RDX: variants seen among roughly 807,000 people sequenced by gnomAD.
RDX encodes the protein deafness, autosomal recessive 24.
Under a neutral mutation model 83.7 loss-of-function variants are expected in RDX, and 32 were observed. The observed-to-expected ratio is 0.38, with a 90% CI of 0.29 to 0.51. The LOEUF is 0.51. Among genes scored for constraint, RDX ranks in the 20% least tolerant of loss-of-function variants. The pLI is 0.87. For missense variants in RDX, 600 were observed against 689.9 expected (o/e 0.87, Z 1.46); for synonymous variants, 229 against 222.7 (o/e 1.03, Z -0.25).
At chr11:110,295,874 G>C (rs541327397) in intron 1 of RDX, among the ~76,000 whole-genome samples, 12 of 152,152 alleles carry the variant, frequency 7.9e-5, no homozygotes, top group African/African-American at 2.9e-4. Context: ...TGGCGGGTGC[G>C]AGCGGCGGGA....
chr11:110,258,391 G>C (rs919084361), intron 5 of RDX, among the ~76,000 whole-genome samples: 13 of 152,148 alleles, frequency 8.5e-5, no homozygotes, highest in African/African-American at 3.1e-4. Context: ...AAGGTGGCTA[G>C]ATTGTACCAA....
chr11:110,186,818 C>T (rs1862997913), intron 15 of RDX, among the ~76,000 whole-genome samples: 1 of 152,188 alleles, frequency 6.6e-6, no homozygotes, highest in Non-Finnish European at 1.5e-5. Context: ...GAGAAGGATG[C>T]CACTTTTAAT....
intron 2 of RDX, among the ~76,000 whole-genome samples, chr11:110,276,052 T>C (rs1023068177): frequency 8.6e-5 from 13 of 152,042 alleles, no homozygotes; most frequent in African/African-American, 3.1e-4. Flanking sequence ...TCCCAAAGTG[T>C]TGAGATTACA....
rs200732024 is a variant in RDX at position 110,295,308 on chromosome 11, TAAA to T, written c.-65+1156_-65+1158del. On this transcript the variant is annotated intron_variant, in intron 1 of 13. Coordinates refer to ENST00000645495, the MANE Select transcript of RDX (RefSeq NM_002906.4). Reference sequence around the variant, plus strand: ...TCATATAAAAGAGTATTTAGTGTTCTAAAAAAAAAAAAAAAAAAAGAAGTATGC... The same window carrying T: ...TCATATAAAAGAGTATTTAGTGTTCTAAAAAAAAAAAAAAAAGAAGTATGC... Among the ~76,000 whole-genome samples the T allele has an allele frequency of 5.9e-3, 757 of 127,328 alleles. 9 individuals are homozygous for T. Among genetic ancestry groups the T allele is most frequent in the African/African-American group, 0.021 (729 of 33,922 alleles). 83.5% of individuals were successfully genotyped at this position (127,328 alleles called of 152,430 possible).
chr11:110,247,774 A>T lies in RDX; in HGVS notation c.1019T>A (p.Ile340Lys), dbSNP rs1269884778. ...REIAEKEKER[I>K]EREKEELMER... ...CATTAGCTCTTCCTTTTCACGTTCT[A>T]TTCTTTCCTTTTCCTTTTCTGCTAT... Residue 340 changes from isoleucine to lysine, a missense_variant, in exon 10 of 14, where the codon ATA becomes AAA. Coordinates refer to ENST00000645495, the MANE Select transcript of RDX (RefSeq NM_002906.4). 2.5e-6 allele frequency: 4 copies of T among 1,607,206 alleles called. No homozygotes were observed. Among genetic ancestry groups the T allele is most frequent in the Non-Finnish European group, 3.4e-6 (4 of 1,176,718 alleles).
At chr11:110,185,253 C>T (rs1862964255) in intron 15 of RDX, 1 of 152,166 alleles carries the variant, frequency 6.6e-6, no homozygotes, top group South Asian at 2.1e-4. Context: ...ATTTGTTTCT[C>T]CCCAAGGCCG....
chr11:110,186,747 G>A (rs535474919), intron 15 of RDX, among the ~76,000 whole-genome samples: 20 of 152,252 alleles, frequency 1.3e-4, no homozygotes, highest in East Asian at 9.7e-4. Context: ...GCCCTGGAGC[G>A]GACTTATGAA....
At chr11:110,280,614 T>C (rs951182434) in intron 1 of RDX, among the ~76,000 whole-genome samples, 4 of 152,234 alleles carry the variant, frequency 2.6e-5, no homozygotes, top group South Asian at 2.1e-4. Flanking sequence ...ATTCACCCAA[T>C]GTGTATGAAA....
chr11:110,280,215 A>C (rs1307726640), intron 1 of RDX, among the ~76,000 whole-genome samples: 2 of 152,196 alleles, frequency 1.3e-5, no homozygotes, highest in South Asian at 2.1e-4. Context: ...TGATTAATGT[A>C]ATCTACAAAA....
intron 3 of RDX, among the ~76,000 whole-genome samples, chr11:110,267,197 C>A (rs1479255798): frequency 6.6e-6 from 1 of 152,174 alleles, no homozygotes; most frequent in Non-Finnish European, 1.5e-5. Context: ...AGCCATCGTG[C>A]CCAGCCTGTT....
chr11:110,230,818 T>A lies in RDX; in HGVS notation c.*1051A>T, dbSNP rs1438080531. The A allele has an allele frequency of 6.6e-6, 1 of 152,610 alleles. No individual in the cohort carries two copies. The highest frequency in any genetic ancestry group is 1.5e-5 in the Non-Finnish European group (1 of 68,018). The allele number at this position is 152,610 out of a possible 1,614,324, so 9.5% of individuals were successfully genotyped here. ...ATTTCTTGATGATCGAGGCTATGGTTATGAATTATAAAACATATACCTTAC... is the reference window on the plus strand; with the variant it reads ...ATTTCTTGATGATCGAGGCTATGGTAATGAATTATAAAACATATACCTTAC... On this transcript the variant is annotated 3_prime_UTR_variant, in exon 14 of 14. Coordinates refer to ENST00000645495, the MANE Select transcript of RDX (RefSeq NM_002906.4).
chr11:110,181,110 T>G (rs1007005543), intron 15 of RDX, among the ~76,000 whole-genome samples: 44 of 151,410 alleles, frequency 2.9e-4, no homozygotes, highest in African/African-American at 1.0e-3. Flanking sequence ...GCAGCTCAGG[T>G]GGTGGCCAGG....
At chr11:110,281,036 G>A (rs1860740836) in intron 1 of RDX, among the ~76,000 whole-genome samples, 1 of 151,936 alleles carries the variant, frequency 6.6e-6, no homozygotes, top group South Asian at 2.1e-4. Flanking sequence ...ATGATGGCAG[G>A]TGCCTGTAAT....
At position 110,233,328 on chromosome 11, in the gene RDX, T is replaced by G. The variant is rs1864714033; in HGVS notation, c.1496A>C (p.Glu499Ala). The change falls in exon 13 of 14, where the codon GAA (glutamate) becomes GCA (alanine). Residue 499 changes from glutamate (E) to alanine (A), a missense_variant. Transcript: ENST00000645495. ...GTTCATTACCCCTTCATTTGATAAT[T>G]CAGCACTAGCTTCAGCATTATTCTC... Reference protein sequence around the residue: ...HDENNAEASAELSNEGVMNHR... With the variant: ...HDENNAEASAALSNEGVMNHR... The G allele has an allele frequency of 9.3e-6, 15 of 1,614,082 alleles. No homozygotes were observed. Among genetic ancestry groups the G allele is most frequent in the Non-Finnish European group, 1.3e-5 (15 of 1,180,042 alleles).
intron 10 of RDX, among the ~76,000 whole-genome samples, chr11:110,240,324 AG>A (rs1207428478): frequency 1.3e-5 from 1 of 78,776 alleles, no homozygotes; most frequent in Non-Finnish European, 3.3e-5. Context: ...CTCATATGTC[AG>A]AGCTAAATCT....
At position 110,192,883 on chromosome 11, in the gene RDX, G is replaced by A. The variant is rs1863129559; in HGVS notation, c.*31+6698C>T. 2.0e-5 allele frequency among the ~76,000 whole-genome samples: 3 copies of A among 152,112 alleles called. No homozygotes were observed. The South Asian group carries it at 6.2e-4, about 32-fold the overall frequency. On this transcript the variant is annotated intron_variant, in intron 15 of 15. Coordinates refer to the RDX transcript ENST00000528498. ...AAAAAAAACAGCAGATGCTGGTGAG[G>A]TGTGGAGAAAGAGAATTCTTATACA... is the stretch of plus-strand genomic sequence containing the variant.
intron 14 of RDX, chr11:110,199,732 GGAAGCT>G (rs1461698432): frequency 1.4e-6 from 1 of 702,748 alleles, no homozygotes; most frequent in Admixed American, 2.0e-5. Context: ...GAACACAGTA[GGAAGCT>G]GAATGGGCAG....
chr11:110,217,230 G>T (rs777030544), intron 14 of RDX, among the ~76,000 whole-genome samples: 1 of 152,202 alleles, frequency 6.6e-6, no homozygotes, highest in African/African-American at 2.4e-5. Flanking sequence ...TTTCATAGTT[G>T]TAAGTGGATA....
At chr11:110,221,357 G>T in intron 14 of RDX, among the ~76,000 whole-genome samples, 1 of 152,064 alleles carries the variant, frequency 6.6e-6, no homozygotes, top group East Asian at 1.9e-4. Flanking sequence ...CAGCACTTTG[G>T]GAGGCTGAGG....
Sources: allele counts gnomAD v4.1 joint callset (sites outside exome capture counted in the v4.1 genomes callset), GRCh38; gene constraint gnomAD v4.1.1; transcripts MANE v1.5; gene names NCBI Gene and HGNC (gene_info 2026-07-23, HGNC 2026-07-21).